The following UNC5D variants were observed in gnomAD, a reference collection of about 807,000 sequenced individuals.
UNC5D encodes the protein netrin receptor UNC5D.
A neutral mutation model predicts 105.4 loss-of-function variants in UNC5D; 39 were observed. The ratio of observed to expected loss-of-function variants is 0.37; its 90% CI spans 0.29 to 0.48. The LOEUF is 0.48. Among genes scored for constraint, UNC5D ranks in the 20% least tolerant of loss-of-function variants. UNC5D has a pLI of 0.98. For synonymous variants in UNC5D, 452 were observed against 450.4 expected (o/e 1.00, Z -0.04); for missense variants, 991 against 1,202.4 (o/e 0.82, Z 2.60).
chr8:35,290,376 T>A (rs1409871513), intron 1 of UNC5D, among the ~76,000 whole-genome samples: 1 of 151,778 alleles, frequency 6.6e-6, no homozygotes, highest in Non-Finnish European at 1.5e-5. Flanking sequence ...GACCTTATGC[T>A]AAGTGAAATA....
At chr8:35,749,770 A>G (rs1021507918) in intron 12 of UNC5D, among the ~76,000 whole-genome samples, 2 of 151,982 alleles carry the variant, frequency 1.3e-5, no homozygotes, top group African/African-American at 4.8e-5. Context: ...CTTCCTCACA[A>G]TCTCTTATAC....
intron 1 of UNC5D, among the ~76,000 whole-genome samples, chr8:35,516,983 G>C (rs966438360): frequency 6.6e-6 from 1 of 152,184 alleles, no homozygotes; most frequent in Non-Finnish European, 1.5e-5. Context: ...AGGTCATGCT[G>C]TTCTCTTCAT....
At chr8:35,765,111 T>G (rs1801707025) in intron 14 of UNC5D, among the ~76,000 whole-genome samples, 1 of 152,230 alleles carries the variant, frequency 6.6e-6, no homozygotes, top group African/African-American at 2.4e-5. Context: ...CACACCTTTC[T>G]TGGGCTGTCA....
chr8:35,515,813 T>C (rs181518284), intron 1 of UNC5D, among the ~76,000 whole-genome samples: 87 of 152,304 alleles, frequency 5.7e-4, no homozygotes, highest in Admixed American at 2.1e-3. Context: ...TAAGTAATAA[T>C]AATATTGCTG....
chr8:35,380,838 T>A (rs2178256), intron 1 of UNC5D, among the ~76,000 whole-genome samples: 7,304 of 152,274 alleles, frequency 0.048, 506 homozygotes, highest in East Asian at 0.35. Flanking sequence ...TAGCATTTTT[T>A]ATGTCCACTT....
intron 1 of UNC5D, among the ~76,000 whole-genome samples, chr8:35,287,314 G>A (rs1806671281): frequency 6.6e-6 from 1 of 152,176 alleles, no homozygotes; most frequent in Non-Finnish European, 1.5e-5. Context: ...AAAGAATTTA[G>A]AATAATCCTC....
At chr8:35,702,205 A>G (rs1827250784) in intron 7 of UNC5D, among the ~76,000 whole-genome samples, 2 of 152,070 alleles carry the variant, frequency 1.3e-5, no homozygotes. Flanking sequence ...AAATTGCAAC[A>G]TCTCTCACCT....
intron 1 of UNC5D, among the ~76,000 whole-genome samples, chr8:35,327,509 G>C (rs1355925502): frequency 7.2e-5 from 11 of 152,178 alleles, no homozygotes; most frequent in Admixed American, 5.2e-4. Flanking sequence ...ATTTCCCAGA[G>C]CCCAGATTTC....
intron 1 of UNC5D, among the ~76,000 whole-genome samples, chr8:35,351,250 C>A (rs1812216845): frequency 6.6e-6 from 1 of 151,948 alleles, no homozygotes; most frequent in African/African-American, 2.4e-5. Context: ...ATTGAAAATC[C>A]TTTTCCTTTC....
Position 35,413,292 on chromosome 8 carries a change from T to TGTGTTGTGTGTGTG in UNC5D, c.104-136000_104-135999insGTGTTGTGTGTGTG, listed in dbSNP as rs56157732. On this transcript the variant is annotated intron_variant, in intron 1 of 16. Coordinates refer to ENST00000404895, the MANE Select transcript of UNC5D (RefSeq NM_080872.4). The stretch of plus-strand genomic sequence containing the variant: ...GTGTGTGTGTGTGTGTGTGTGTGTG[T>TGTGTTGTGTGTGTG]TGTGTGTGTGTGTGTGTTTTCTCTC... Among the ~76,000 whole-genome samples the TGTGTTGTGTGTGTG allele has an allele frequency of 1.5e-3, 186 of 128,038 alleles. 1 individual carries two copies. Among genetic ancestry groups the TGTGTTGTGTGTGTG allele is most frequent in the African/African-American group, 5.0e-3 (162 of 32,678 alleles). 84.0% of individuals were successfully genotyped at this position (128,038 alleles called of 152,430 possible). A position where few individuals can be genotyped will look rare whatever the true frequency, so the allele number is the denominator to read the frequency against.
chr8:35,412,094 G>A (rs1805212439), intron 1 of UNC5D, among the ~76,000 whole-genome samples: 1 of 152,034 alleles, frequency 6.6e-6, no homozygotes, highest in East Asian at 1.9e-4. Context: ...CTTTATTGGT[G>A]TGTAAACTGC....
intron 15 of UNC5D, among the ~76,000 whole-genome samples, chr8:35,767,517 T>G (rs2131713425): frequency 6.6e-6 from 1 of 152,294 alleles, no homozygotes; most frequent in Non-Finnish European, 1.5e-5. Flanking sequence ...TGTGCTATTT[T>G]ATCTCCAGGG....
chr8:35,547,285 CTTTTTTTT>C (rs11363785), intron 1 of UNC5D, among the ~76,000 whole-genome samples: 1 of 128,032 alleles, frequency 7.8e-6, no homozygotes, highest in African/African-American at 3.0e-5. Flanking sequence ...GAACATTACT[CTTTTTTTT>C]TTTTTTTTTT....
chr8:35,285,170 G>T (rs1454723844), intron 1 of UNC5D, among the ~76,000 whole-genome samples: 3 of 152,164 alleles, frequency 2.0e-5, no homozygotes, highest in Non-Finnish European at 4.4e-5. Context: ...ACTCCAAATT[G>T]CAGCTAGGCA....
intron 1 of UNC5D, among the ~76,000 whole-genome samples, chr8:35,312,652 G>A (rs982871237): frequency 2.6e-5 from 4 of 152,084 alleles, no homozygotes; most frequent in Non-Finnish European, 4.4e-5. Flanking sequence ...CATAACAACT[G>A]ATTAGCATCT....
At chr8:35,500,265 A>G (rs1811878123) in intron 1 of UNC5D, among the ~76,000 whole-genome samples, 1 of 152,154 alleles carries the variant, frequency 6.6e-6, no homozygotes, top group Non-Finnish European at 1.5e-5. Context: ...ACTGCATCAT[A>G]ACATGGTGGA....
chr8:35,329,809 A>G (rs1810472851), intron 1 of UNC5D, among the ~76,000 whole-genome samples: 1 of 152,072 alleles, frequency 6.6e-6, no homozygotes, highest in Non-Finnish European at 1.5e-5. Flanking sequence ...TACTGAACTA[A>G]TTCTATTATT....
chr8:35,745,626 T>C (rs796384913), intron 11 of UNC5D, among the ~76,000 whole-genome samples: 21 of 152,324 alleles, frequency 1.4e-4, no homozygotes, highest in African/African-American at 5.1e-4. Context: ...TCTTAAATTA[T>C]TAAACTTCTT....
intron 14 of UNC5D, 104 bp from the exon 15 acceptor site, chr8:35,766,798 T>C: frequency 7.6e-7 from 1 of 1,315,292 alleles, no homozygotes; most frequent in Non-Finnish European, 1.0e-6. Context: ...TCATCGTTGT[T>C]GTTGTCGTCA....
Sources: gnomAD v4.1 joint callset for allele counts (sites outside exome capture counted in the v4.1 genomes callset) on GRCh38, gnomAD v4.1.1 for gene constraint, MANE v1.5 for transcripts, NCBI Gene and HGNC (gene_info 2026-07-23, HGNC 2026-07-21) for gene names.